The following TRAPPC9 variants were observed in gnomAD, a reference collection of about 807,000 sequenced individuals.
The protein encoded by TRAPPC9 is IKK2 binding protein.
TRAPPC9 carries 83 observed loss-of-function variants against 124.0 expected under a neutral mutation model. The observed-to-expected ratio is 0.67, with a 90% CI of 0.56 to 0.80. The LOEUF (loss-of-function observed/expected upper bound fraction) is 0.80, where lower values mean the gene tolerates loss of function less well. TRAPPC9 is among the 30% of genes least tolerant of loss of function. The probability of loss-of-function intolerance (pLI) is 0.00; values close to 1 mark genes in which losing one functional copy is unlikely to be tolerated. For missense variants in TRAPPC9, 1,302 were observed against 1,508.3 expected, an observed-to-expected ratio of 0.86 and a Z score of 2.27; for synonymous variants, 638 against 617.5, an observed-to-expected ratio of 1.03 and a Z score of -0.49.
rs192552581 is a variant in TRAPPC9, at chr8:139,799,980, C to T, written c.3056-67778G>A. ...CAGAGGGCAGCAGCTGAGACAGACA[C>T]GGAGATGGACAAAGGGCAGGACTAG... On this transcript the variant is annotated intron_variant, in intron 21 of 22. Transcript: ENST00000438773. 2.6e-5 allele frequency among the ~76,000 whole-genome samples: 4 copies of T among 152,332 alleles called. No individual in the cohort carries two copies. The East Asian group carries it at 7.7e-4, about 29-fold the overall frequency.
At chr8:140,335,989 C>T (rs770471480) in intron 9 of TRAPPC9, among the ~76,000 whole-genome samples, 3 of 152,082 alleles carry the variant, frequency 2.0e-5, no homozygotes, top group Non-Finnish European at 4.4e-5. Flanking sequence ...ATTACAGGTG[C>T]AAGCCACCGC....
intron 5 of TRAPPC9, among the ~76,000 whole-genome samples, chr8:140,423,986 A>G (rs941802636): frequency 2.6e-5 from 4 of 152,208 alleles, no homozygotes; most frequent in Non-Finnish European, 4.4e-5. Flanking sequence ...ACATAGGCAA[A>G]GGAGAGTGAC....
chr8:140,125,994 G>A (rs188024238), intron 17 of TRAPPC9, among the ~76,000 whole-genome samples: 8 of 151,994 alleles, frequency 5.3e-5, no homozygotes, highest in East Asian at 1.9e-4. Flanking sequence ...GGATAGTCTC[G>A]ATCTCTTGAC....
At chr8:140,308,463 G>A (rs957254033) in intron 10 of TRAPPC9, among the ~76,000 whole-genome samples, 2 of 151,970 alleles carry the variant, frequency 1.3e-5, no homozygotes, top group Non-Finnish European at 2.9e-5. Context: ...AATGAGACCA[G>A]GTACGATCCA....
intron 20 of TRAPPC9, among the ~76,000 whole-genome samples, chr8:139,894,270 T>C (rs189269296): frequency 6.6e-6 from 1 of 152,322 alleles, no homozygotes; most frequent in Non-Finnish European, 1.5e-5. Context: ...CACCGAGCAG[T>C]GTGCAAAGCT....
At chr8:140,271,310 T>C (rs940830057) in intron 15 of TRAPPC9, among the ~76,000 whole-genome samples, 3 of 152,078 alleles carry the variant, frequency 2.0e-5, no homozygotes, top group African/African-American at 7.2e-5. Flanking sequence ...CTATACAAAG[T>C]TTTTAAAATA....
chr8:140,272,008 G>A (rs1209874859), intron 15 of TRAPPC9, among the ~76,000 whole-genome samples: 13 of 125,854 alleles, frequency 1.0e-4, no homozygotes, highest in Admixed American at 8.8e-4. Context: ...TAGTGATGGT[G>A]GTGACGGGTG....
In TRAPPC9 at chr8:140,451,367, C is replaced by T. The variant is rs76033442; in HGVS notation, c.7G>A (p.Val3Ile). 1.1e-3 allele frequency: 1,770 copies of T among 1,602,594 alleles called. 19 individuals are homozygous for T. In the African/African-American group the frequency reaches 0.017, roughly 15 times the overall value. ...TCAGCACACTGCATGTAGTCAGGGA[C>T]GCTCATTTTGAAGTCCCTGTTCAGA... MS[V>I]PDYMQCAEDH... Residue 3 changes from valine to isoleucine, a missense_variant, in exon 2 of 23, where the codon GTC (valine) becomes ATC (isoleucine). Transcript: ENST00000438773.
chr8:139,784,646 A>ATATATATATATATATATATATAT (rs1290029459), intron 21 of TRAPPC9, among the ~76,000 whole-genome samples: 1 of 79,294 alleles, frequency 1.3e-5, no homozygotes. Context: ...TATATATATA[A>ATATATATATATATATATATATAT]ATCAACTGCA....
intron 21 of TRAPPC9, among the ~76,000 whole-genome samples, chr8:139,817,270 TC>T: frequency 6.6e-6 from 1 of 152,288 alleles, no homozygotes; most frequent in Non-Finnish European, 1.5e-5. Flanking sequence ...GATAGCAGGT[TC>T]AGGCTGCAAA....
At chr8:140,458,423 C>G (rs773739324), upstream of TRAPPC9, 20 of 1,587,174 alleles carry the variant, frequency 1.3e-5, no homozygotes, top group Non-Finnish European at 1.3e-5. Context: ...TCGTGCCCCC[C>G]ACGTGGGTGG....
At chr8:140,023,039 C>T (rs919410763) in intron 18 of TRAPPC9, among the ~76,000 whole-genome samples, 5 of 152,216 alleles carry the variant, frequency 3.3e-5, no homozygotes, top group African/African-American at 7.2e-5. Flanking sequence ...AGGGGCTGCA[C>T]GGGATCCCCC....
chr8:140,265,980 C>T (rs149468943), intron 15 of TRAPPC9, among the ~76,000 whole-genome samples: 3 of 152,198 alleles, frequency 2.0e-5, no homozygotes, highest in South Asian at 2.1e-4. Context: ...GCGGTGTGAA[C>T]GTGCATTTAT....
intron 21 of TRAPPC9, among the ~76,000 whole-genome samples, chr8:139,861,129 C>G (rs1002308527): frequency 6.6e-6 from 1 of 152,220 alleles, no homozygotes; most frequent in African/African-American, 2.4e-5. Context: ...AAATAGCACT[C>G]GAACATAAAT....
rs777068566 is a variant in TRAPPC9, at chr8:140,104,035, C to G, written c.2557-79956G>C. 3.9e-5 allele frequency among the ~76,000 whole-genome samples: 6 copies of G among 152,214 alleles called. No individual in the cohort carries two copies. Among genetic ancestry groups the G allele is most frequent in the Non-Finnish European group, 8.8e-5 (6 of 68,046 alleles). ...TGCATCTCTAAATCCAGACGCTGGA[C>G]CATCCCTTTGCTTCCTATGTTTATT... On this transcript the variant is annotated intron_variant, in intron 17 of 22. Coordinates refer to ENST00000438773, the MANE Select transcript of TRAPPC9 (RefSeq NM_001160372.4). The surrounding 1 kb of genome is among the most constrained non-coding windows in gnomAD (Gnocchi z 4.0).
intron 21 of TRAPPC9, among the ~76,000 whole-genome samples, chr8:139,842,301 C>T (rs1188595696): frequency 6.6e-6 from 1 of 152,198 alleles, no homozygotes; most frequent in African/African-American, 2.4e-5. Context: ...AGTCTAGGCC[C>T]AGAGCTTCCC....
chr8:139,886,000 T>C, intron 20 of TRAPPC9, 31 bp from the exon 21 acceptor site: 1 of 1,547,180 alleles, frequency 6.5e-7, no homozygotes, highest in South Asian at 1.2e-5. Context: ...ACGCAACTCC[T>C]GCGGAGCCCA....
At chr8:140,164,912 C>T (rs1328415749) in intron 17 of TRAPPC9, among the ~76,000 whole-genome samples, 2 of 152,238 alleles carry the variant, frequency 1.3e-5, no homozygotes, top group Non-Finnish European at 2.9e-5. Flanking sequence ...CAGCAGCAGC[C>T]CCTGCCTCTC....
At chr8:139,785,739 A>G (rs1353807094) in intron 21 of TRAPPC9, among the ~76,000 whole-genome samples, 1 of 151,376 alleles carries the variant, frequency 6.6e-6, no homozygotes, top group African/African-American at 2.4e-5. Context: ...AAAAAAAAGA[A>G]GAAAAAAAAA....
Sources: gnomAD v4.1 joint callset for allele counts (sites outside exome capture counted in the v4.1 genomes callset) on GRCh38, gnomAD v4.1.1 for gene constraint, Gnocchi (gnomAD v3.1) non-coding constraint, MANE v1.5 for transcripts, NCBI Gene and HGNC (gene_info 2026-07-23, HGNC 2026-07-21) for gene names.